KCNU1: variants seen among roughly 807,000 people sequenced by gnomAD.
The protein encoded by KCNU1 is potassium calcium-activated channel subfamily U member 1, also known as potassium channel subfamily U member 1.
KCNU1 carries 93 observed loss-of-function variants against 126.8 expected under a neutral mutation model. That is an observed-to-expected ratio of 0.73 (90% CI 0.62 to 0.87). The LOEUF (loss-of-function observed/expected upper bound fraction) is 0.87, where lower values mean the gene tolerates loss of function less well. Ranked by LOEUF, KCNU1 falls within the 40% of genes least tolerant of loss-of-function variation. The pLI, the probability that KCNU1 is intolerant of heterozygous loss-of-function variation, is 0.00. For synonymous variants in KCNU1, 523 were observed against 494.2 expected, an observed-to-expected ratio of 1.06 and a Z score of -0.77; for missense variants, 1,330 against 1,367.1, an observed-to-expected ratio of 0.97 and a Z score of 0.43.
intron 16 of KCNU1, 33 bp downstream of exon 16, chr8:36,841,036 T>G (rs1162380772): frequency 3.0e-6 from 2 of 660,706 alleles, no homozygotes; most frequent in Non-Finnish European, 4.3e-6. Context: ...CTTCAGTTGT[T>G]TTTTTTTTTT....
intron 19 of KCNU1, among the ~76,000 whole-genome samples, chr8:36,892,328 C>T (rs550618670): frequency 5.9e-5 from 9 of 152,088 alleles, no homozygotes; most frequent in Non-Finnish European, 1.0e-4. Flanking sequence ...TAATCTATCT[C>T]CTCACTGATA....
intron 24 of KCNU1, among the ~76,000 whole-genome samples, chr8:36,929,727 A>G (rs1563342567): frequency 1.3e-5 from 2 of 152,126 alleles, no homozygotes; most frequent in Non-Finnish European, 2.9e-5. Flanking sequence ...GGGACAGGTC[A>G]TGGAGGAAAC....
chr8:36,827,915 A>G (rs1804385022), intron 10 of KCNU1, among the ~76,000 whole-genome samples: 1 of 152,144 alleles, frequency 6.6e-6, no homozygotes, highest in African/African-American at 2.4e-5. Context: ...TCTCTGTGTC[A>G]GTTCTGATTG....
intron 18 of KCNU1, among the ~76,000 whole-genome samples, chr8:36,850,530 C>G (rs1311990376): frequency 1.3e-5 from 2 of 151,526 alleles, no homozygotes; most frequent in Non-Finnish European, 2.9e-5. Flanking sequence ...AGTCATGGCT[C>G]ACTACAGCCT....
chr8:36,888,875 A>G (rs1436446687), intron 19 of KCNU1: 1 of 436,314 alleles, frequency 2.3e-6, no homozygotes, highest in Non-Finnish European at 4.7e-6. Context: ...AAAAACTACT[A>G]GTTCCATTTT....
intron 7 of KCNU1, among the ~76,000 whole-genome samples, chr8:36,810,728 G>A (rs368465028): frequency 2.6e-5 from 4 of 152,170 alleles, no homozygotes; most frequent in African/African-American, 9.6e-5. Context: ...CCTAAATTCT[G>A]CTAAAAATAA....
At chr8:36,808,862 G>T in intron 7 of KCNU1, 69 bp downstream of exon 7, 1 of 1,086,322 alleles carries the variant, frequency 9.2e-7, no homozygotes. Flanking sequence ...AAAATGGAAG[G>T]GAACCTGCTG....
intron 19 of KCNU1, among the ~76,000 whole-genome samples, chr8:36,881,753 AT>A (rs1001543201): frequency 6.6e-6 from 1 of 151,370 alleles, no homozygotes; most frequent in Non-Finnish European, 1.5e-5. Flanking sequence ...GGATAAAAAT[AT>A]TTTTTCCTGC....
At chr8:36,897,043 T>C (rs2117470682) in intron 19 of KCNU1, among the ~76,000 whole-genome samples, 1 of 152,102 alleles carries the variant, frequency 6.6e-6, no homozygotes, top group East Asian at 1.9e-4. Context: ...TGGTGAACCA[T>C]GGGGTGATTT....
chr8:36,915,681 C>T (rs1443834732), intron 22 of KCNU1, among the ~76,000 whole-genome samples: 1 of 152,212 alleles, frequency 6.6e-6, no homozygotes, highest in Non-Finnish European at 1.5e-5. Flanking sequence ...GGTTCTTTAT[C>T]ACAACCCTTC....
chr8:36,829,758 G>A (rs1804461856), intron 10 of KCNU1, among the ~76,000 whole-genome samples: 1 of 151,086 alleles, frequency 6.6e-6, no homozygotes, highest in Admixed American at 6.6e-5. Flanking sequence ...ACTATGCTGG[G>A]TTTATTCATT....
chr8:36,888,456 C>G (rs1320363763), intron 19 of KCNU1: 2 of 449,222 alleles, frequency 4.5e-6, no homozygotes, highest in African/African-American at 2.0e-5. Context: ...CTAGTGCCAC[C>G]TTCATCTCCC....
rs1031532817 is a variant in KCNU1 at position 36,909,540 on chromosome 8, G to A, written c.2331+5G>A. 1 of 1,478,198 alleles carries A rather than the reference G, an allele frequency of 6.8e-7. No individual in the cohort carries two copies. Among genetic ancestry groups the A allele is most frequent in the Non-Finnish European group, 9.5e-7 (1 of 1,058,182 alleles). 91.6% of individuals were successfully genotyped at this position (1,478,198 alleles called of 1,614,324 possible). On this transcript the variant is annotated splice_donor_5th_base_variant and intron_variant, in intron 21 of 26. Coordinates refer to ENST00000399881, the MANE Select transcript of KCNU1 (RefSeq NM_001031836.3). ...CCCCAGATATACATTCTGCCTGTAA[G>A]TATCATATAAGGAAAAGTTAATATT...
chr8:36,921,023 G>A (rs1323721387), intron 23 of KCNU1, among the ~76,000 whole-genome samples: 1 of 152,132 alleles, frequency 6.6e-6, no homozygotes, highest in African/African-American at 2.4e-5. Flanking sequence ...GAACTGTAAT[G>A]TCAAGAACTG....
At chr8:36,810,260 A>AG (rs1803663016) in intron 7 of KCNU1, among the ~76,000 whole-genome samples, 2 of 151,814 alleles carry the variant, frequency 1.3e-5, no homozygotes, top group African/African-American at 2.4e-5. Context: ...CAAAAAAAAA[A>AG]AAAAGTAGCT....
intron 20 of KCNU1, among the ~76,000 whole-genome samples, chr8:36,906,839 C>T (rs1249630805): frequency 6.6e-6 from 1 of 152,094 alleles, no homozygotes; most frequent in Non-Finnish European, 1.5e-5. Context: ...TGAAACTCAC[C>T]ATTTTAGCAA....
At position 36,840,558 on chromosome 8, in the gene KCNU1, C is replaced by T. The variant is rs1189041634; in HGVS notation, c.1614C>T (p.Ser538=). The change falls in exon 15 of 27, where the codon AGC becomes AGT. Residue 538 remains serine, a synonymous_variant. Transcript: ENST00000399881. ...QRLSDDFAGM[S]FPEVARLCFL... is the part of the protein sequence containing the mutation. ...TCTCTGATGACTTTGCTGGAATGAG[C>T]TTTCCTGAAGTTGCCCGGTAAGTGA... 3 of 1,607,710 alleles carry T rather than the reference C, an allele frequency of 1.9e-6. No homozygotes were observed. Among genetic ancestry groups the T allele is most frequent in the Admixed American group, 1.7e-5 (1 of 59,916 alleles).
chr8:36,932,330 C>G (rs1458460386), intron 25 of KCNU1, among the ~76,000 whole-genome samples: 1 of 152,106 alleles, frequency 6.6e-6, no homozygotes, highest in African/African-American at 2.4e-5. Flanking sequence ...CCTCTCCCTC[C>G]TCTCTCCATT....
At chr8:36,792,909 C>G (rs1029290302) in intron 2 of KCNU1, among the ~76,000 whole-genome samples, 2 of 152,006 alleles carry the variant, frequency 1.3e-5, no homozygotes, top group African/African-American at 4.8e-5. Flanking sequence ...TAAACCATGA[C>G]TAATATTGAT....
Sources: allele counts gnomAD v4.1 joint callset (sites outside exome capture counted in the v4.1 genomes callset), GRCh38; gene constraint gnomAD v4.1.1; transcripts MANE v1.5; gene names NCBI Gene and HGNC (gene_info 2026-07-23, HGNC 2026-07-21).